PCNT: variants seen among roughly 807,000 people sequenced by gnomAD.
The protein encoded by PCNT is pericentrin, also known as kendrin.
A neutral mutation model predicts 380.4 loss-of-function variants in PCNT; 319 were observed. The ratio of observed to expected loss-of-function variants is 0.84; its 90% CI spans 0.77 to 0.92. PCNT has a LOEUF of 0.92. PCNT is among the 40% of genes least tolerant of loss of function. The pLI is 0.00. For missense variants in PCNT, 4,400 were observed against 4,255.3 expected (o/e 1.03, Z -0.95); for synonymous variants, 1,845 against 1,735.2 (o/e 1.06, Z -1.57).
At position 46,397,264 on chromosome 21, in the gene PCNT, G is replaced by A; in HGVS notation, c.4217-1G>A. 1.9e-6 allele frequency: 3 copies of A among 1,613,578 alleles called. No homozygotes were observed. The highest frequency in any genetic ancestry group is 2.5e-6 in the Non-Finnish European group (3 of 1,179,546). Reference sequence around the variant, plus strand: ...CGTGTCTGTCCTGTTTGCATCCTTAGCTCTCCGGAAGGAAGTGGAGGATCT... The same window carrying A: ...CGTGTCTGTCCTGTTTGCATCCTTAACTCTCCGGAAGGAAGTGGAGGATCT... On this transcript the variant is annotated splice_acceptor_variant, in intron 21 of 46. Coordinates refer to ENST00000359568, the MANE Select transcript of PCNT (RefSeq NM_006031.6). LOFTEE classifies it high-confidence loss of function.
Position 46,438,350 on chromosome 21 carries a change from G to A in PCNT, c.9273+13G>A. On this transcript the variant is annotated intron_variant, in intron 41 of 46. Transcript: ENST00000359568. Reference sequence around the variant, plus strand: ...CTGCAGCCCAAGCGTAGGTGTCTGTGCTTAACTCTTACCTGCCTCAGCCTA... The same window carrying A: ...CTGCAGCCCAAGCGTAGGTGTCTGTACTTAACTCTTACCTGCCTCAGCCTA... 1.2e-6 allele frequency: 2 copies of A among 1,612,658 alleles called. No individual in the cohort carries two copies. Among genetic ancestry groups the A allele is most frequent in the Non-Finnish European group, 8.5e-7 (1 of 1,178,954 alleles).
chr21:46,384,664 T>C (rs978591135), intron 16 of PCNT, among the ~76,000 whole-genome samples: 2 of 148,882 alleles, frequency 1.3e-5, no homozygotes, highest in Non-Finnish European at 3.0e-5. Flanking sequence ...TTCACGGTAT[T>C]GTGCATAGTT....
intron 21 of PCNT, among the ~76,000 whole-genome samples, chr21:46,395,271 T>C (rs1035763936): frequency 5.9e-5 from 9 of 152,234 alleles, no homozygotes; most frequent in Admixed American, 2.0e-4. Flanking sequence ...CATGTATGAA[T>C]TTAATATTTT....
rs1208332229 is a variant in PCNT at position 46,399,656 on chromosome 21, G to C, written c.4651G>C (p.Glu1551Gln). ...ATTTAATGAATTGGCTATACAGAAAGAGTCGGCAGATAGACAAGTGTTAAT... is the reference window on the plus strand; with the variant it reads ...ATTTAATGAATTGGCTATACAGAAACAGTCGGCAGATAGACAAGTGTTAAT... ...DEFNELAIQKESADRQVLMQE... is the reference protein window; with the variant it reads ...DEFNELAIQKQSADRQVLMQE... The change falls in exon 25 of 47, where the codon GAG (glutamate) becomes CAG (glutamine). Residue 1551 changes from glutamate (E) to glutamine (Q), a missense_variant. By Grantham distance (29) the Glu-to-Gln change is conservative. Transcript: ENST00000359568. The C allele has an allele frequency of 6.2e-7, 1 of 1,613,922 alleles. No homozygotes were observed. Among genetic ancestry groups the C allele is most frequent in the Non-Finnish European group, 8.5e-7 (1 of 1,179,786 alleles).
chr21:46,359,030 G>A (rs536008008), intron 13 of PCNT, among the ~76,000 whole-genome samples: 11 of 151,284 alleles, frequency 7.3e-5, no homozygotes, highest in South Asian at 2.1e-4. Flanking sequence ...GGATGGTCTC[G>A]ATCTCCTGAC....
At chr21:46,408,051 C>T (rs1484311445) in intron 27 of PCNT, among the ~76,000 whole-genome samples, 1 of 151,866 alleles carries the variant, frequency 6.6e-6, no homozygotes, top group South Asian at 2.1e-4. Flanking sequence ...TTTTAGTATA[C>T]AGTTTTATAA....
chr21:46,346,641 T>G (rs1369053689), intron 4 of PCNT, 102 bp from the exon 5 acceptor site: 11 of 1,412,040 alleles, frequency 7.8e-6, no homozygotes, highest in East Asian at 2.5e-5. Context: ...CTGTTTCATT[T>G]TCTGTGTCTT....
rs1385398049 is a variant in PCNT at position 46,396,879 on chromosome 21, A to T, written c.4217-386A>T. 3.3e-5 allele frequency among the ~76,000 whole-genome samples: 5 copies of T among 152,180 alleles called. No individual in the cohort carries two copies. In the East Asian group the frequency reaches 9.7e-4, roughly 29 times the overall value. Reference sequence around the variant, plus strand: ...CGGCCTCCCAAAGTGCTGGGATTACAGGTGTGAACCACCCCACCCGACCTA... The same window carrying T: ...CGGCCTCCCAAAGTGCTGGGATTACTGGTGTGAACCACCCCACCCGACCTA... On this transcript the variant is annotated intron_variant, in intron 21 of 46. Transcript: ENST00000359568.
chr21:46,362,866 C>CAA (rs961481208), intron 13 of PCNT, among the ~76,000 whole-genome samples: 3 of 137,652 alleles, frequency 2.2e-5, no homozygotes, highest in Non-Finnish European at 3.2e-5. Flanking sequence ...GACCCTGTCT[C>CAA]AAAAAAAAAA....
intron 10 of PCNT, among the ~76,000 whole-genome samples, chr21:46,353,784 C>T (rs555479236): frequency 3.0e-3 from 458 of 151,626 alleles, no homozygotes; most frequent in Non-Finnish European, 5.0e-3. Flanking sequence ...GTGGCGGGCA[C>T]ACTTTCTTCC....
intron 16 of PCNT, among the ~76,000 whole-genome samples, chr21:46,384,501 C>T (rs1217464066): frequency 2.8e-5 from 4 of 144,946 alleles, no homozygotes; most frequent in Admixed American, 7.0e-5. Context: ...CGGTGTTGTA[C>T]ATTCAGTGAC....
chr21:46,343,872 T>A (rs911002551), intron 3 of PCNT, among the ~76,000 whole-genome samples: 1 of 152,194 alleles, frequency 6.6e-6, no homozygotes, highest in Non-Finnish European at 1.5e-5. Context: ...CAGGAATTTA[T>A]CCATCGCCTC....
rs35881595 is a variant in PCNT, at chr21:46,436,076, T to C, written c.8924T>C (p.Leu2975Pro). The C allele has an allele frequency of 1.9e-3, 3,124 of 1,613,046 alleles. 25 individuals are homozygous for C. The highest frequency in any genetic ancestry group is 0.015 in the African/African-American group (1,139 of 75,040). The change falls in exon 39 of 47, where the codon CTG becomes CCG. Residue 2975 changes from leucine (L) to proline (P), a missense_variant. By Grantham distance (98) the Leu-to-Pro change is moderately conservative (BLOSUM62 -3). Coordinates refer to ENST00000359568, the MANE Select transcript of PCNT (RefSeq NM_006031.6). ...ADHLREQQRE[L>P]EAMRQRLLSA... ...CACCTCCGGGAACAGCAGCGAGAGC[T>C]GGAGGCGATGAGGCAGCGGCTGCTC... is the stretch of plus-strand genomic sequence containing the variant.
At chr21:46,364,486 G>A (rs1241343034) in intron 14 of PCNT, among the ~76,000 whole-genome samples, 2 of 152,234 alleles carry the variant, frequency 1.3e-5, no homozygotes, top group Admixed American at 6.5e-5. Context: ...TGTGTTTTAA[G>A]ATTTGAACAG....
intron 3 of PCNT, among the ~76,000 whole-genome samples, chr21:46,336,119 G>A (rs1398300232): frequency 6.6e-6 from 1 of 152,018 alleles, no homozygotes; most frequent in African/African-American, 2.4e-5. Flanking sequence ...TGGGATTACA[G>A]GAGCATGCCA....
At chr21:46,355,670 C>T in intron 12 of PCNT, 44 bp downstream of exon 12, 1 of 1,604,082 alleles carries the variant, frequency 6.2e-7, no homozygotes, top group Non-Finnish European at 8.5e-7. Flanking sequence ...GGTCCCGGGT[C>T]TGGGGGACGT....
intron 27 of PCNT, among the ~76,000 whole-genome samples, chr21:46,403,633 C>T (rs1420067734): frequency 1.4e-5 from 2 of 138,974 alleles, no homozygotes; most frequent in African/African-American, 5.5e-5. Flanking sequence ...GTGGTGCCCA[C>T]GTGGCACATG....
At chr21:46,344,104 A>C (rs1435136094) in intron 3 of PCNT, among the ~76,000 whole-genome samples, 1 of 147,594 alleles carries the variant, frequency 6.8e-6, no homozygotes, top group African/African-American at 2.5e-5. Flanking sequence ...TCGCTCTGTC[A>C]CCCAGGCTGG....
intron 27 of PCNT, among the ~76,000 whole-genome samples, chr21:46,406,001 A>C (rs1334743184): frequency 6.6e-6 from 1 of 152,170 alleles, no homozygotes; most frequent in Admixed American, 6.5e-5. Flanking sequence ...TTATATAATA[A>C]AGAAAAGTAA....
Sources: allele counts gnomAD v4.1 joint callset (sites outside exome capture counted in the v4.1 genomes callset), GRCh38; gene constraint gnomAD v4.1.1; transcripts MANE v1.5; gene names NCBI Gene and HGNC (gene_info 2026-07-23, HGNC 2026-07-21).